Variants in BIN1 observed in about 807,000 individuals in gnomAD.
BIN1 encodes the protein bridging integrator 1, also known as myc box-dependent-interacting protein 1.
Under a neutral mutation model 82.0 loss-of-function variants are expected in BIN1, and 53 were observed. The observed-to-expected ratio is 0.65, with a 90% confidence interval of 0.52 to 0.81. The LOEUF (loss-of-function observed/expected upper bound fraction) is 0.81, where lower values mean the gene tolerates loss of function less well. Among genes scored for constraint, BIN1 ranks in the 40% least tolerant of loss-of-function variants. BIN1 has a pLI of 0.00. For synonymous variants in BIN1, 302 were observed against 328.0 expected (o/e 0.92, Z 0.86); for missense variants, 642 against 784.4 (o/e 0.82, Z 2.17).
chr2:127,092,165 G>GA (rs1320866959), intron 1 of BIN1, among the ~76,000 whole-genome samples: 2 of 152,084 alleles, frequency 1.3e-5, no homozygotes, highest in East Asian at 3.9e-4. Context: ...CAGGTGGAAT[G>GA]AATGTTCAGG....
At position 127,094,040 on chromosome 2, in the gene BIN1, C is replaced by T. The variant is rs1230415647; in HGVS notation, c.84+12820G>A. On this transcript the variant is annotated intron_variant, in intron 1 of 18. Transcript: ENST00000316724. Reference sequence around the variant, plus strand: ...CCTGGAGCAGGGCTGGTCCACGAGCCGGCACCCCGACCTTCAGGGTCCTCG... The same window carrying T: ...CCTGGAGCAGGGCTGGTCCACGAGCTGGCACCCCGACCTTCAGGGTCCTCG... Among the ~76,000 whole-genome samples, 6 of 152,174 alleles carry T rather than the reference C, an allele frequency of 3.9e-5. No individual in the cohort carries two copies. The South Asian group carries it at 8.3e-4, about 21-fold the overall frequency.
At chr2:127,074,597 A>G (rs1686354107) in intron 2 of BIN1, among the ~76,000 whole-genome samples, 1 of 152,246 alleles carries the variant, frequency 6.6e-6, no homozygotes, top group Admixed American at 6.5e-5. Flanking sequence ...ACTCTGAGGG[A>G]CAGTGGAGAC....
intron 1 of BIN1, among the ~76,000 whole-genome samples, chr2:127,095,290 T>C (rs1324713810): frequency 2.0e-5 from 3 of 152,194 alleles, no homozygotes; most frequent in Non-Finnish European, 2.9e-5. Context: ...GGTATGCTTC[T>C]CAGGAGCACA....
At chr2:127,088,247 G>A (rs4662705) in intron 1 of BIN1, among the ~76,000 whole-genome samples, 1 of 151,918 alleles carries the variant, frequency 6.6e-6, no homozygotes, top group African/African-American at 2.4e-5. Context: ...CCCTGCCAAC[G>A]CCCACCCAAA....
In BIN1 at chr2:127,051,761, C is replaced by T. The variant is rs145162349; in HGVS notation, c.1371+494G>A. Among the ~76,000 whole-genome samples the T allele has an allele frequency of 5.2e-3, 784 of 152,108 alleles. 7 individuals are homozygous for T. Among genetic ancestry groups the T allele is most frequent in the African/African-American group, 0.018 (733 of 41,472 alleles). The stretch of plus-strand genomic sequence containing the variant: ...AGAAGGGTGTGGCACAGAATGGGCA[C>T]CGCAGCACGGGCACCGCAGCACGGG... On this transcript the variant is annotated intron_variant, in intron 15 of 18. Transcript: ENST00000316724.
At chr2:127,063,056 C>T (rs1235186682) in intron 9 of BIN1, among the ~76,000 whole-genome samples, 4 of 152,168 alleles carry the variant, frequency 2.6e-5, no homozygotes, top group Admixed American at 2.0e-4. Context: ...AACAGCTTTG[C>T]GTTTTAGTTG....
intron 1 of BIN1, among the ~76,000 whole-genome samples, chr2:127,079,646 T>C (rs1418918658): frequency 1.3e-5 from 2 of 152,238 alleles, no homozygotes; most frequent in African/African-American, 2.4e-5. Context: ...CTCACTGCTA[T>C]GTGATGTGCC....
chr2:127,053,367 C>T, intron 14 of BIN1, 55 bp downstream of exon 14: 1 of 1,609,294 alleles, frequency 6.2e-7, no homozygotes, highest in Non-Finnish European at 8.5e-7. Flanking sequence ...GGCCTGGACA[C>T]ATACGGAAGA....
chr2:127,105,709 C>G (rs1302304183), intron 1 of BIN1, among the ~76,000 whole-genome samples: 1 of 152,190 alleles, frequency 6.6e-6, no homozygotes, highest in Non-Finnish European at 1.5e-5. Context: ...AGGGAGCCCG[C>G]GGGTCTCAGA....
intron 1 of BIN1, among the ~76,000 whole-genome samples, chr2:127,086,530 C>T (rs2105236301): frequency 6.8e-6 from 1 of 147,586 alleles, no homozygotes; most frequent in African/African-American, 2.5e-5. Flanking sequence ...TTTTTTAAGA[C>T]AGAATCTCGC....
chr2:127,072,408 G>C (rs574648168), intron 2 of BIN1, among the ~76,000 whole-genome samples: 3 of 152,170 alleles, frequency 2.0e-5, no homozygotes, highest in Non-Finnish European at 4.4e-5. Context: ...GTCAGCGACC[G>C]GCCCAGTCAC....
At chr2:127,063,004 G>C (rs1414063734) in intron 9 of BIN1, among the ~76,000 whole-genome samples, 1 of 152,150 alleles carries the variant, frequency 6.6e-6, no homozygotes, top group African/African-American at 2.4e-5. Context: ...CCACCACTGG[G>C]GGCGGGGGTG....
chr2:127,055,820 G>A (rs1255908585), intron 12 of BIN1: 1 of 152,206 alleles, frequency 6.6e-6, no homozygotes, highest in Non-Finnish European at 1.5e-5. Context: ...CAGCCGGGAA[G>A]CCCGTGGGCA....
At chr2:127,075,799 GCCC>G (rs147025393) in intron 2 of BIN1, among the ~76,000 whole-genome samples, 18 of 57,684 alleles carry the variant, frequency 3.1e-4, no homozygotes, top group Non-Finnish European at 5.7e-4. Flanking sequence ...CCTCCCAGCT[GCCC>G]CCCCCACCGC....
At chr2:127,053,211 T>A (rs1270003052) in intron 14 of BIN1, 2 of 687,962 alleles carry the variant, frequency 2.9e-6, no homozygotes, top group East Asian at 5.6e-5. Context: ...GATCCCCTTT[T>A]CCAAGGGCCT....
chr2:127,072,056 T>C (rs957170541), intron 2 of BIN1, among the ~76,000 whole-genome samples: 1 of 152,238 alleles, frequency 6.6e-6, no homozygotes, highest in Non-Finnish European at 1.5e-5. Flanking sequence ...GACACCCATG[T>C]TCCAGTCGCC....
rs778111521 is a variant in BIN1 at position 127,048,662 on chromosome 2, G to A, written c.1675-29C>T. 6.2e-6 allele frequency: 10 copies of A among 1,602,934 alleles called. No individual in the cohort carries two copies. In the African/African-American group the frequency reaches 1.2e-4, roughly 19 times the overall value. On this transcript the variant is annotated intron_variant, in intron 18 of 18. Transcript: ENST00000316724. ...AGGGGCAGAGCACCAGGTCGCACAG[G>A]GATGAGCAAGGGGCTCCACCCCACA... is the stretch of plus-strand genomic sequence containing the variant.
At position 127,057,664 on chromosome 2, in the gene BIN1, G is replaced by T; in HGVS notation, c.1003-63C>A. On this transcript the variant is annotated intron_variant, in intron 11 of 18. Coordinates refer to ENST00000316724, the MANE Select transcript of BIN1 (RefSeq NM_139343.3). This position sits in a 1 kb window ranked among gnomAD's most constrained non-coding sequence, Gnocchi z 5.0. ...GCACAGCAGAGCACGGGGTTTGGGG[G>T]AGACAGACAGAGACAAAGCCACGGT... is the stretch of plus-strand genomic sequence containing the variant. The T allele has an allele frequency of 6.9e-7, 1 of 1,441,654 alleles. No individual in the cohort carries two copies. Among genetic ancestry groups the T allele is most frequent in the East Asian group, 2.6e-5 (1 of 39,150 alleles). The allele number at this position is 1,441,654 out of a possible 1,614,324, so 89.3% of individuals were successfully genotyped here. A position where few individuals can be genotyped will look rare whatever the true frequency, so the allele number is the denominator to read the frequency against.
chr2:127,081,685 C>G (rs773895520), intron 1 of BIN1: 8 of 868,610 alleles, frequency 9.2e-6, no homozygotes, highest in Non-Finnish European at 1.1e-5. Context: ...CACCAGCCAG[C>G]GGCACCCCTC....
Sources: gnomAD v4.1 joint callset for allele counts (sites outside exome capture counted in the v4.1 genomes callset) on GRCh38, gnomAD v4.1.1 for gene constraint, Gnocchi (gnomAD v3.1) non-coding constraint, MANE v1.5 for transcripts, NCBI Gene and HGNC (gene_info 2026-07-23, HGNC 2026-07-21) for gene names.